The following SERPINB11 variants were observed in gnomAD, a reference collection of about 807,000 sequenced individuals.
SERPINB11 encodes the protein serpin family B member 11.
In SERPINB11, 32 loss-of-function variants were observed where a neutral mutation model predicts 36.7. The ratio of observed to expected loss-of-function variants is 0.87; its 90% CI spans 0.66 to 1.17. SERPINB11 has a LOEUF of 1.17. Ranked by LOEUF, SERPINB11 falls within the 50% of genes most tolerant of loss-of-function variation. The probability of loss-of-function intolerance (pLI) is 0.00; values close to 1 mark genes in which losing one functional copy is unlikely to be tolerated. For synonymous variants in SERPINB11, 174 were observed against 168.1 expected (o/e 1.04, Z -0.27); for missense variants, 528 against 458.4 (o/e 1.15, Z -1.39).
At chr18:63,712,279 C>A (rs2144537870) in intron 3 of SERPINB11, among the ~76,000 whole-genome samples, 1 of 152,312 alleles carries the variant, frequency 6.6e-6, no homozygotes, top group Middle Eastern at 3.4e-3. Flanking sequence ...CCACTAGGAT[C>A]TCTTTATTTA....
chr18:63,712,613 C>A lies in SERPINB11; in HGVS notation c.277C>A (p.Gln93Lys). The change falls in exon 4 of 8, where the codon CAA becomes AAA. Residue 93 changes from glutamine to lysine, a missense_variant. Transcript: ENST00000544088. ...TTCCGAGTTTGGTGTCGAATTCTCT[C>A]AAATCAACCAGCCAGACTCTAACTG... Reference protein sequence around the residue: ...IHSEFGVEFSQINQPDSNCTL... With the variant: ...IHSEFGVEFSKINQPDSNCTL... 1 of 1,613,748 alleles carries A rather than the reference C, an allele frequency of 6.2e-7. No individual in the cohort carries two copies. The highest frequency in any genetic ancestry group is 8.5e-7 in the Non-Finnish European group (1 of 1,179,684).
At chr18:63,709,216 AG>A (rs1315801431) in intron 1 of SERPINB11, among the ~76,000 whole-genome samples, 23 of 152,286 alleles carry the variant, frequency 1.5e-4, no homozygotes, top group Admixed American at 4.6e-4. Flanking sequence ...TGTGGCCTCC[AG>A]GCTGAGATCT....
chr18:63,707,484 C>T (rs1914401994), intron 1 of SERPINB11, among the ~76,000 whole-genome samples: 1 of 152,196 alleles, frequency 6.6e-6, no homozygotes, highest in African/African-American at 2.4e-5. Flanking sequence ...TTATTTCATG[C>T]ATTTGTAATA....
At chr18:63,720,288 C>A in intron 6 of SERPINB11, 133 bp downstream of exon 6, 2 of 813,230 alleles carry the variant, frequency 2.5e-6, no homozygotes, top group Non-Finnish European at 1.9e-6. Context: ...ATTGTATTTT[C>A]TACAGATTTT....
rs868269906 is a variant in SERPINB11 at position 63,711,341 on chromosome 18, C to T, written c.175C>T (p.His59Tyr). 4.4e-6 allele frequency: 7 copies of T among 1,609,010 alleles called. No homozygotes were observed. Among genetic ancestry groups the T allele is most frequent in the African/African-American group, 1.3e-5 (1 of 74,856 alleles). Residue 59 changes from histidine to tyrosine, a missense_variant, in exon 3 of 8, where the codon CAT becomes TAT. Transcript: ENST00000544088. The part of the protein sequence containing the change: ...ETEEQLEKVL[H>Y]FSHTVDSLKP... The stretch of plus-strand genomic sequence containing the variant: ...CCTTTTTTTTCTTTTCTAGGTGCTT[C>T]ATTTTAGTCATACTGTAGACTCATT...
intron 4 of SERPINB11, among the ~76,000 whole-genome samples, chr18:63,713,303 T>A (rs1506425): frequency 1.3e-5 from 2 of 152,166 alleles, no homozygotes; most frequent in South Asian, 2.1e-4. Context: ...GCTAAGATAT[T>A]GGTATAAAAT....
intron 1 of SERPINB11, among the ~76,000 whole-genome samples, chr18:63,708,066 G>T (rs907901080): frequency 3.3e-5 from 5 of 152,200 alleles, no homozygotes; most frequent in Non-Finnish European, 7.3e-5. Flanking sequence ...AATAGAAAGT[G>T]CAAATGCCCT....
intron 1 of SERPINB11, among the ~76,000 whole-genome samples, chr18:63,709,646 A>AAAATAAAATAAAATAAAATAAAATG: frequency 6.6e-6 from 1 of 151,748 alleles, no homozygotes; most frequent in South Asian, 2.1e-4. Flanking sequence ...AAAATAAAAT[A>AAAATAAAATAAAATAAAATAAAATG]AAAAGTAAAA....
intron 1 of SERPINB11, among the ~76,000 whole-genome samples, chr18:63,704,539 C>A (rs1914321556): frequency 6.6e-6 from 1 of 152,164 alleles, no homozygotes; most frequent in South Asian, 2.1e-4. Flanking sequence ...ATTGGCAAGA[C>A]AGAGTTTTAA....
chr18:63,722,969 G>C, intron 7 of SERPINB11, 26 bp from the exon 8 acceptor site: 11 of 1,533,510 alleles, frequency 7.2e-6, no homozygotes, highest in Non-Finnish European at 9.6e-6. Context: ...TGACTCATGT[G>C]GGCTTGTCTG....
rs1914485358 is a variant in SERPINB11, at chr18:63,710,290, C to T, written c.97C>T (p.Leu33=). ...NIGDNIFFSS[L]SLLYALSMVL... is the part of the protein sequence containing the mutation. Reference sequence around the variant, plus strand: ...AGGAGATAACATCTTCTTTTCTTCGCTGAGTCTGCTTTATGCTCTAAGCAT... The same window carrying T: ...AGGAGATAACATCTTCTTTTCTTCGTTGAGTCTGCTTTATGCTCTAAGCAT... Residue 33 remains leucine, a synonymous_variant, in exon 2 of 8, where the codon CTG becomes TTG. Coordinates refer to ENST00000544088, the MANE Select transcript of SERPINB11 (RefSeq NM_001370475.1). The T allele has an allele frequency of 6.2e-7, 1 of 1,613,718 alleles. No homozygotes were observed. Among genetic ancestry groups the T allele is most frequent in the Admixed American group, 1.7e-5 (1 of 59,984 alleles).
At chr18:63,720,493 G>A (rs909447754) in intron 6 of SERPINB11, 1 of 324,294 alleles carries the variant, frequency 3.1e-6, no homozygotes, top group Non-Finnish European at 5.5e-6. Context: ...TTTTTCTAGA[G>A]AGTTTCTTGA....
intron 3 of SERPINB11, among the ~76,000 whole-genome samples, chr18:63,712,139 T>G (rs544238629): frequency 1.3e-5 from 2 of 151,478 alleles, no homozygotes; most frequent in Admixed American, 1.3e-4. Flanking sequence ...GTCAGTTCAG[T>G]GAAGGGCTGA....
Position 63,723,395 on chromosome 18 carries a change from C to T in SERPINB11, c.1175C>T (p.Pro392Leu), listed in dbSNP as rs777776429. ...TILFCGKLAS[P>L] ...CTATTCTGTGGCAAGCTTGCCTCTC[C>T]CTAATCAGATGGGGTTGAGCAAGGC... The change falls in exon 8 of 8, where the codon CCC becomes CTC. Residue 392 changes from proline to leucine, a missense_variant. Coordinates refer to ENST00000544088, the MANE Select transcript of SERPINB11 (RefSeq NM_001370475.1). The T allele has an allele frequency of 6.3e-7, 1 of 1,599,596 alleles. No homozygotes were observed. The highest frequency in any genetic ancestry group is 8.5e-7 in the Non-Finnish European group (1 of 1,170,888).
chr18:63,721,776 T>C (rs1035596201), intron 7 of SERPINB11, among the ~76,000 whole-genome samples: 7 of 152,020 alleles, frequency 4.6e-5, no homozygotes, highest in Admixed American at 2.0e-4. Flanking sequence ...GACGTACGCA[T>C]TTGGATTAAG....
At position 63,714,346 on chromosome 18, in the gene SERPINB11, C is replaced by T. The variant is rs766498338; in HGVS notation, c.357+1653C>T. ...GAGCATCGGGGCAAAATTAAAATTG[C>T]TAATGAAGTTTCGGGCATGCATTGT... On this transcript the variant is annotated intron_variant, in intron 4 of 7. Transcript: ENST00000544088. Among the ~76,000 whole-genome samples, 29 of 152,102 alleles carry T rather than the reference C, an allele frequency of 1.9e-4. 1 individual carries two copies. Among genetic ancestry groups the T allele is most frequent in the Admixed American group, 4.6e-4 (7 of 15,272 alleles).
At chr18:63,714,184 A>C (rs764710850) in intron 4 of SERPINB11, among the ~76,000 whole-genome samples, 48 of 152,302 alleles carry the variant, frequency 3.2e-4, no homozygotes, top group Non-Finnish European at 6.9e-4. Flanking sequence ...GGCAGGTTCC[A>C]TGAAGCCCCC....
chr18:63,722,445 C>T, intron 7 of SERPINB11, among the ~76,000 whole-genome samples: 1 of 152,130 alleles, frequency 6.6e-6, no homozygotes, highest in Admixed American at 6.5e-5. Context: ...TTTGGGAAAG[C>T]TGAGCATTGA....
At chr18:63,712,854 C>T (rs952346400) in intron 4 of SERPINB11, among the ~76,000 whole-genome samples, 161 bp downstream of exon 4, 7 of 152,200 alleles carry the variant, frequency 4.6e-5, no homozygotes, top group African/African-American at 1.4e-4. Context: ...TTGAAACTCT[C>T]ATGTAAAGTT....
Sources: gnomAD v4.1 joint callset for allele counts (sites outside exome capture counted in the v4.1 genomes callset) on GRCh38, gnomAD v4.1.1 for gene constraint, MANE v1.5 for transcripts, NCBI Gene and HGNC (gene_info 2026-07-23, HGNC 2026-07-21) for gene names.